Variants in ITGA9 observed in about 807,000 individuals in gnomAD.
ITGA9 encodes integrin subunit alpha 9.
Under a neutral mutation model 127.8 loss-of-function variants are expected in ITGA9, and 56 were observed. The observed-to-expected ratio is 0.44, with a 90% CI of 0.35 to 0.55. The LOEUF (loss-of-function observed/expected upper bound fraction) is 0.55. Among genes scored for constraint, ITGA9 ranks in the 20% least tolerant of loss-of-function variants. ITGA9 has a pLI of 0.00. For missense variants in ITGA9, 1,196 were observed against 1,347.1 expected, an observed-to-expected ratio of 0.89 and a Z score of 1.76; for synonymous variants, 508 against 514.5, an observed-to-expected ratio of 0.99 and a Z score of 0.17.
chr3:37,634,086 T>C (rs1346918082), intron 16 of ITGA9, among the ~76,000 whole-genome samples: 1 of 151,876 alleles, frequency 6.6e-6, no homozygotes, highest in African/African-American at 2.4e-5. Flanking sequence ...CAAAAACCTA[T>C]AGTAATACAA....
At chr3:37,578,011 T>G (rs939382674) in intron 15 of ITGA9, among the ~76,000 whole-genome samples, 1 of 152,232 alleles carries the variant, frequency 6.6e-6, no homozygotes, top group Non-Finnish European at 1.5e-5. Flanking sequence ...TTTTAAAGAA[T>G]TCTTGCTATT....
intron 17 of ITGA9, among the ~76,000 whole-genome samples, chr3:37,656,174 G>A (rs1168159480): frequency 2.0e-5 from 3 of 152,098 alleles, no homozygotes; most frequent in Non-Finnish European, 2.9e-5. Flanking sequence ...TTGGCTATAG[G>A]GATTCTTTTT....
At chr3:37,732,686 C>T (rs1696307843) in intron 18 of ITGA9, 26 bp from the exon 19 acceptor site, 4 of 1,575,746 alleles carry the variant, frequency 2.5e-6, no homozygotes, top group Non-Finnish European at 3.5e-6. Context: ...TGCAGCCGGC[C>T]CATCTGTTGG....
In ITGA9 at chr3:37,648,990, A is replaced by G. The variant is rs143917141; in HGVS notation, c.1840-4724A>G. Among the ~76,000 whole-genome samples, 851 of 152,196 alleles carry G rather than the reference A, an allele frequency of 5.6e-3. 25 individuals are homozygous for G. Among genetic ancestry groups the G allele is most frequent in the East Asian group, 8.9e-3 (46 of 5,180 alleles). Reference sequence around the variant, plus strand: ...GGAAAATCAGAGTTTTTATGCAAGTAAAGTTACATTGTGAACTTATAACAG... The same window carrying G: ...GGAAAATCAGAGTTTTTATGCAAGTGAAGTTACATTGTGAACTTATAACAG... On this transcript the variant is annotated intron_variant, in intron 16 of 27. Coordinates refer to ENST00000264741, the MANE Select transcript of ITGA9 (RefSeq NM_002207.3).
chr3:37,664,971 CTTTTT>C (rs34608197), intron 17 of ITGA9, among the ~76,000 whole-genome samples: 4 of 122,548 alleles, frequency 3.3e-5, no homozygotes, highest in Non-Finnish European at 6.9e-5. Flanking sequence ...GAGTAGCTGG[CTTTTT>C]TTTTTTTTTT....
chr3:37,522,464 G>A (rs1699053691), intron 11 of ITGA9, among the ~76,000 whole-genome samples: 1 of 152,196 alleles, frequency 6.6e-6, no homozygotes, highest in African/African-American at 2.4e-5. Flanking sequence ...CAGGAGTGGT[G>A]GCTGTAATCC....
intron 15 of ITGA9, among the ~76,000 whole-genome samples, chr3:37,591,104 G>C (rs1699813666): frequency 6.6e-6 from 1 of 152,148 alleles, no homozygotes; most frequent in African/African-American, 2.4e-5. Context: ...CCTGCCCCTG[G>C]GCTCCAGGGC....
At chr3:37,569,116 T>C (rs1400408060) in intron 15 of ITGA9, among the ~76,000 whole-genome samples, 2 of 152,360 alleles carry the variant, frequency 1.3e-5, no homozygotes, top group Non-Finnish European at 2.9e-5. Context: ...AGAGGTTTAA[T>C]GGACTCACAG....
chr3:37,483,180 C>T (rs1002609041), intron 4 of ITGA9, among the ~76,000 whole-genome samples: 13 of 152,116 alleles, frequency 8.5e-5, no homozygotes, highest in African/African-American at 2.9e-4. Flanking sequence ...CAGAAGATGA[C>T]ATGTTGTGAC....
At chr3:37,702,013 T>G (rs984947873) in intron 18 of ITGA9, among the ~76,000 whole-genome samples, 1 of 152,044 alleles carries the variant, frequency 6.6e-6, no homozygotes. Context: ...TCCATCAGAG[T>G]GTGGCTCAGG....
At chr3:37,641,824 T>A (rs942528318) in intron 16 of ITGA9, among the ~76,000 whole-genome samples, 4 of 152,198 alleles carry the variant, frequency 2.6e-5, no homozygotes, top group Admixed American at 6.5e-5. Flanking sequence ...ATACCTCATC[T>A]AGAAAGCACT....
At chr3:37,627,064 G>A (rs1278684318) in intron 15 of ITGA9, among the ~76,000 whole-genome samples, 2 of 152,128 alleles carry the variant, frequency 1.3e-5, no homozygotes, top group Non-Finnish European at 2.9e-5. Flanking sequence ...GCTCCCAGAG[G>A]GACATGAGTA....
chr3:37,547,440 C>T (rs765381568), intron 15 of ITGA9, among the ~76,000 whole-genome samples: 27 of 152,168 alleles, frequency 1.8e-4, no homozygotes, highest in Non-Finnish European at 2.9e-4. Context: ...GGTGTTTTGG[C>T]CTGTTTCCAT....
At chr3:37,648,489 T>C (rs1700400605) in intron 16 of ITGA9, among the ~76,000 whole-genome samples, 1 of 152,052 alleles carries the variant, frequency 6.6e-6, no homozygotes, top group South Asian at 2.1e-4. Flanking sequence ...TATCCAGGCA[T>C]GGTGGCATGT....
rs1187554991 is a variant in ITGA9, at chr3:37,533,396, C to T, written c.1456C>T (p.Gln486Ter). Residue 486 changes from glutamine to a stop codon, truncating the protein, a stop_gained, in exon 14 of 28, where the codon CAG becomes TAG. Transcript: ENST00000264741. LOFTEE classifies it high-confidence loss of function. ...CACAGCGCCTCAGTGTCACGACGGA[C>T]AGCAGCCTGTGAACTGCCTGAACGT... ...NITAPQCHDGQQPVNCLNVTT... is the reference protein window; with the variant it reads ...NITAPQCHDG 6.2e-7 allele frequency: 1 copy of T among 1,614,172 alleles called. No homozygotes were observed.
intron 9 of ITGA9, among the ~76,000 whole-genome samples, chr3:37,515,545 C>G (rs973861554): frequency 6.6e-6 from 1 of 152,166 alleles, no homozygotes; most frequent in African/African-American, 2.4e-5. Flanking sequence ...CAAGACCAGC[C>G]TGGCCAACAT....
In ITGA9 at chr3:37,523,465, C is replaced by G. The variant is rs1863597; in HGVS notation, c.1237-56C>G. On this transcript the variant is annotated intron_variant, in intron 11 of 27. Transcript: ENST00000264741. Reference sequence around the variant, plus strand: ...AAGCTGGAATAAAGCAGTCACAGTTCTTATTTGTGACTGTGGTCTTTTCCT... The same window carrying G: ...AAGCTGGAATAAAGCAGTCACAGTTGTTATTTGTGACTGTGGTCTTTTCCT... 15,002 of 1,332,018 alleles carry G rather than the reference C, an allele frequency of 0.011. 789 individuals are homozygous for G. The African/African-American group carries it at 0.15, about 13-fold the overall frequency. The allele number at this position is 1,332,018 out of a possible 1,614,324, so 82.5% of individuals were successfully genotyped here.
At chr3:37,552,629 G>A (rs938542087) in intron 15 of ITGA9, among the ~76,000 whole-genome samples, 9 of 152,094 alleles carry the variant, frequency 5.9e-5, no homozygotes, top group Admixed American at 1.3e-4. Flanking sequence ...GACAAATAGC[G>A]CTCTCTTTCT....
chr3:37,624,985 C>A (rs1700163208), intron 15 of ITGA9, among the ~76,000 whole-genome samples: 1 of 152,204 alleles, frequency 6.6e-6, no homozygotes, highest in African/African-American at 2.4e-5. Context: ...GATCACATAA[C>A]CTGCAAAGTG....
Sources: allele counts gnomAD v4.1 joint callset (sites outside exome capture counted in the v4.1 genomes callset), GRCh38; gene constraint gnomAD v4.1.1; transcripts MANE v1.5; gene names NCBI Gene and HGNC (gene_info 2026-07-23, HGNC 2026-07-21).